The following COL28A1 variants were observed in gnomAD, a reference collection of about 807,000 sequenced individuals.
COL28A1 encodes collagen type XXVIII alpha 1 chain, also known as collagen alpha-1(XXVIII) chain.
COL28A1 carries 161 observed loss-of-function variants against 150.2 expected under a neutral mutation model. That is an observed-to-expected ratio of 1.07 (90% confidence interval 0.94 to 1.22). The LOEUF is 1.22. Ranked by LOEUF, COL28A1 falls within the 50% of genes most tolerant of loss-of-function variation. COL28A1 has a pLI of 0.00. For synonymous variants in COL28A1, 552 were observed against 469.7 expected (o/e 1.18, Z -2.26); for missense variants, 1,617 against 1,388.3 (o/e 1.16, Z -2.62).
chr7:7,461,748 A>G (rs2128338776), intron 15 of COL28A1, among the ~76,000 whole-genome samples: 1 of 152,252 alleles, frequency 6.6e-6, no homozygotes, highest in African/African-American at 2.4e-5. Context: ...AAGTAGAAGT[A>G]GAGTCTGAGC....
chr7:7,495,675 ATC>A (rs1780168900), intron 11 of COL28A1, among the ~76,000 whole-genome samples: 1 of 151,790 alleles, frequency 6.6e-6, no homozygotes, highest in African/African-American at 2.4e-5. Flanking sequence ...CCTCCTAAAT[ATC>A]TCTCAAATCC....
chr7:7,483,104 G>T (rs1779437385), intron 13 of COL28A1, among the ~76,000 whole-genome samples: 1 of 152,094 alleles, frequency 6.6e-6, no homozygotes, highest in Non-Finnish European at 1.5e-5. Flanking sequence ...TTTTACAATG[G>T]GTTGGTCAGC....
intron 25 of COL28A1, among the ~76,000 whole-genome samples, chr7:7,423,785 C>A (rs1244623182): frequency 6.6e-6 from 1 of 152,120 alleles, no homozygotes; most frequent in Non-Finnish European, 1.5e-5. Flanking sequence ...CTCAGGCCAG[C>A]CTTGTCAATG....
At chr7:7,434,600 C>A (rs1785210620) in intron 23 of COL28A1, among the ~76,000 whole-genome samples, 1 of 152,162 alleles carries the variant, frequency 6.6e-6, no homozygotes. Flanking sequence ...CGTCTGACAC[C>A]ACAGCGGAGG....
Position 7,443,610 on chromosome 7 carries a change from G to T in COL28A1, c.1625C>A (p.Pro542His). Reference sequence around the variant, plus strand: ...CTTGGGGCCAGGCTGTCCTTTTCCAGGTGGTCCTTCTGGGCCTCTTGCTCC... The same window carrying T: ...CTTGGGGCCAGGCTGTCCTTTTCCATGTGGTCCTTCTGGGCCTCTTGCTCC... ...LPGARGPEGP[P>H]GKGQPGPKGD... Residue 542 changes from proline to histidine, a missense_variant, in exon 20 of 35, where the codon CCT (proline) becomes CAT (histidine). Transcript: ENST00000399429. The T allele has an allele frequency of 3.1e-6, 5 of 1,614,038 alleles. No homozygotes were observed. The highest frequency in any genetic ancestry group is 4.2e-6 in the Non-Finnish European group (5 of 1,180,000).
upstream of COL28A1, among the ~76,000 whole-genome samples, chr7:7,539,885 C>T (rs1399415092): frequency 6.6e-6 from 1 of 152,146 alleles, no homozygotes; most frequent in Non-Finnish European, 1.5e-5. Flanking sequence ...CATTCAATCC[C>T]CAGCTTGAAT....
intron 13 of COL28A1, 147 bp downstream of exon 13, chr7:7,489,241 GC>G (rs1779786226): frequency 1.6e-6 from 1 of 607,514 alleles, no homozygotes; most frequent in African/African-American, 1.9e-5. Flanking sequence ...CTGCATTCCA[GC>G]CTGGGTGACA....
At chr7:7,489,658 C>T (rs1387953116) in intron 12 of COL28A1, among the ~76,000 whole-genome samples, 1 of 152,194 alleles carries the variant, frequency 6.6e-6, no homozygotes, top group Non-Finnish European at 1.5e-5. Flanking sequence ...ATTATCTCTT[C>T]TTGTCCAAAT....
intron 21 of COL28A1, among the ~76,000 whole-genome samples, chr7:7,437,974 C>A (rs1785464455): frequency 6.8e-6 from 1 of 146,438 alleles, no homozygotes; most frequent in Non-Finnish European, 1.5e-5. Flanking sequence ...GTGGCTCACA[C>A]CTGTAATCCC....
At chr7:7,459,821 C>A (rs1787467750) in intron 15 of COL28A1, among the ~76,000 whole-genome samples, 1 of 152,194 alleles carries the variant, frequency 6.6e-6, no homozygotes, top group African/African-American at 2.4e-5. Flanking sequence ...TCATCAAGAT[C>A]AAACAAGGCC....
upstream of COL28A1, among the ~76,000 whole-genome samples, chr7:7,538,850 G>C (rs1782732615): frequency 6.6e-6 from 1 of 150,614 alleles, no homozygotes; most frequent in Non-Finnish European, 1.5e-5. Context: ...TGCTGATCTA[G>C]AGTAGAAAAA....
intron 30 of COL28A1, among the ~76,000 whole-genome samples, chr7:7,379,791 G>T (rs570514290): frequency 6.6e-6 from 1 of 152,316 alleles, no homozygotes; most frequent in African/African-American, 2.4e-5. Flanking sequence ...CTTTTGGGGA[G>T]AAATTGTGCA....
chr7:7,391,270 C>A (rs1782525659), intron 27 of COL28A1, among the ~76,000 whole-genome samples: 1 of 152,118 alleles, frequency 6.6e-6, no homozygotes, highest in Non-Finnish European at 1.5e-5. Flanking sequence ...GTTCAGTTTC[C>A]ATGTAGATGT....
At chr7:7,350,239 T>C in the COL28A1 span, among the ~76,000 whole-genome samples, 4 of 151,922 alleles carry the variant, frequency 2.6e-5, no homozygotes, top group Non-Finnish European at 4.4e-5. Flanking sequence ...CACTGAGCAA[T>C]TGGATATGAG....
At chr7:7,398,893 T>C (rs1782999986) in intron 27 of COL28A1, among the ~76,000 whole-genome samples, 1 of 152,198 alleles carries the variant, frequency 6.6e-6, no homozygotes, top group Non-Finnish European at 1.5e-5. Flanking sequence ...TGCCTTTAAC[T>C]ACTCCGATGC....
intron 33 of COL28A1, among the ~76,000 whole-genome samples, chr7:7,364,600 G>T (rs1780838180): frequency 6.6e-6 from 1 of 152,028 alleles, no homozygotes; most frequent in Non-Finnish European, 1.5e-5. Context: ...TCATCTCCAT[G>T]CTCCTATGTG....
Position 7,531,668 on chromosome 7 carries a change from CCTT to C in COL28A1, c.358_360del (p.Lys120del). The stretch of plus-strand genomic sequence containing the variant: ...TGCCCTATTAAATTCATAGACTTGA[CCTT>C]CTGCTTAAATGTCTGCAGGTCCTTC... On this transcript the variant is annotated inframe_deletion, in exon 3 of 35. Coordinates refer to ENST00000399429, the MANE Select transcript of COL28A1 (RefSeq NM_001037763.3). The C allele has an allele frequency of 6.3e-7, 1 of 1,596,706 alleles. No homozygotes were observed. The highest frequency in any genetic ancestry group is 8.6e-7 in the Non-Finnish European group (1 of 1,164,162).
At chr7:7,434,269 G>A (rs1193683751) in intron 23 of COL28A1, among the ~76,000 whole-genome samples, 1 of 152,170 alleles carries the variant, frequency 6.6e-6, no homozygotes, top group Non-Finnish European at 1.5e-5. Context: ...TGAGAGAAAG[G>A]AAGCCCATGG....
At chr7:7,401,038 A>G (rs1448742711) in intron 27 of COL28A1, among the ~76,000 whole-genome samples, 1 of 136,360 alleles carries the variant, frequency 7.3e-6, no homozygotes, top group Admixed American at 7.9e-5. Context: ...AGCTCTTGTG[A>G]AAGTCACCAA....
Sources: allele counts gnomAD v4.1 joint callset (sites outside exome capture counted in the v4.1 genomes callset), GRCh38; gene constraint gnomAD v4.1.1; transcripts MANE v1.5; gene names NCBI Gene and HGNC (gene_info 2026-07-23, HGNC 2026-07-21).